COL1A2: variants seen among roughly 807,000 people sequenced by gnomAD.
The protein encoded by COL1A2 is collagen alpha-2(I) chain.
A neutral mutation model predicts 174.3 loss-of-function variants in COL1A2; 49 were observed. The ratio of observed to expected loss-of-function variants is 0.28; its 90% CI spans 0.22 to 0.36. The LOEUF is 0.36. Ranked by LOEUF, COL1A2 falls within the 10% of genes least tolerant of loss-of-function variation. COL1A2 has a pLI of 1.00. For missense variants in COL1A2, 1,438 were observed against 1,822.7 expected (o/e 0.79, Z 3.84); for synonymous variants, 655 against 606.6 (o/e 1.08, Z -1.17).
chr7:94,410,914 C>T lies in COL1A2; in HGVS notation c.1223C>T (p.Pro408Leu). 1.2e-6 allele frequency: 2 copies of T among 1,614,056 alleles called. No homozygotes were observed. The highest frequency in any genetic ancestry group is 8.5e-7 in the Non-Finnish European group (1 of 1,179,994). Residue 408 changes from proline (P) to leucine (L), a missense_variant, in exon 22 of 52, where the codon CCT becomes CTT. Pro to Leu is a moderately conservative substitution (Grantham distance 98, BLOSUM62 -3). This residue lies in a region of COL1A2 where 867 missense variants were observed against 1,213.7 expected (regional missense o/e 0.71). Transcript: ENST00000297268. ...LRGSPGSRGL[P>L]GADGRAGVMG... is the part of the protein sequence containing the mutation. ...GGTAGTCCTGGTTCTCGTGGTCTTC[C>T]TGGAGCTGATGGCAGAGCTGGCGTC...
chr7:94,405,927 C>T (rs1791784555), intron 11 of COL1A2, among the ~76,000 whole-genome samples: 1 of 152,172 alleles, frequency 6.6e-6, no homozygotes, highest in South Asian at 2.1e-4. Context: ...TACCAAAAAA[C>T]AGGCTCACTA....
intron 51 of COL1A2, chr7:94,429,721 G>GT (rs906448025): frequency 8.8e-6 from 3 of 339,944 alleles, no homozygotes; most frequent in African/African-American, 4.3e-5. Context: ...TCTTTAGCAT[G>GT]TTTTTTAAAT....
chr7:94,426,797 G>T, intron 46 of COL1A2: 1 of 627,648 alleles, frequency 1.6e-6, no homozygotes, highest in South Asian at 2.0e-5. Context: ...ATAATTAGAG[G>T]AATGACTAAT....
Position 94,419,464 on chromosome 7 carries a change from TTA to T in COL1A2, c.2026-32_2026-31del, listed in dbSNP as rs41317717. ...GGTTCACTTTTGATGATACGGGGTG[TTA>T]TTAATAAGACATGTTTCCTTTTTGG... On this transcript the variant is annotated intron_variant, in intron 33 of 51. Coordinates refer to ENST00000297268, the MANE Select transcript of COL1A2 (RefSeq NM_000089.4). 40,036 of 1,611,380 alleles carry T rather than the reference TTA, an allele frequency of 0.025. 3,515 individuals are homozygous for T. The East Asian group carries it at 0.36, about 14-fold the overall frequency.
chr7:94,425,079 A>G, intron 41 of COL1A2, 38 bp from the exon 42 acceptor site: 1 of 1,574,156 alleles, frequency 6.4e-7, no homozygotes, highest in Non-Finnish European at 8.7e-7. Context: ...ATTCCATCGA[A>G]TAAGGGGAAT....
chr7:94,413,117 C>A lies in COL1A2; in HGVS notation c.1538C>A (p.Ala513Asp). 1 of 1,614,154 alleles carries A rather than the reference C, an allele frequency of 6.2e-7. No homozygotes were observed. The highest frequency in any genetic ancestry group is 8.5e-7 in the Non-Finnish European group (1 of 1,180,012). The change falls in exon 26 of 52, where the codon GCT (alanine) becomes GAT (aspartate). Residue 513 changes from alanine (A) to aspartate (D), a missense_variant. Ala to Asp is a moderately radical substitution (Grantham distance 126). Transcript: ENST00000297268. ...GGCAAAAACGGTGATAAAGGTCATG[C>A]TGGTCTTGCTGGTGCTCGGGTAGGT... Reference protein sequence around the residue: ...DPGKNGDKGHAGLAGARGAPG... With the variant: ...DPGKNGDKGHDGLAGARGAPG...
chr7:94,396,242 G>C (rs1374717801), intron 1 of COL1A2, among the ~76,000 whole-genome samples: 2 of 152,018 alleles, frequency 1.3e-5, no homozygotes, highest in African/African-American at 4.8e-5. Context: ...ACCACACCCA[G>C]TACTCCAAAA....
At chr7:94,424,301 T>C (rs1259461434) in intron 40 of COL1A2, 35 bp from the exon 41 acceptor site, 3 of 1,566,562 alleles carry the variant, frequency 1.9e-6, no homozygotes, top group Middle Eastern at 1.7e-4. Flanking sequence ...ACCTAGGGTC[T>C]TACCCATAAT....
chr7:94,404,561 A>G lies in COL1A2; in HGVS notation c.285A>G (p.Leu95=), dbSNP rs918955690. 1 of 1,613,346 alleles carries G rather than the reference A, an allele frequency of 6.2e-7. No individual in the cohort carries two copies. Among genetic ancestry groups the G allele is most frequent in the Non-Finnish European group, 8.5e-7 (1 of 1,179,970 alleles). ...TATATCTGCTTTCTTTACAGGGCTT[A>G]ATGGGACCTAGAGGCCCACCTGGTG... The part of the protein sequence containing the change: ...GVGLGPGPMG[L]MGPRGPPGAA... The change falls in exon 7 of 52, where the codon TTA becomes TTG. Residue 95 remains leucine (L), a synonymous_variant. Transcript: ENST00000297268.
chr7:94,418,540 A>C lies in COL1A2; in HGVS notation c.2013A>C (p.Arg671Ser). The change falls in exon 33 of 52, where the codon AGA becomes AGC. Residue 671 changes from arginine to serine, a missense_variant. By Grantham distance (110) the Arg-to-Ser change is moderately radical. Around this residue, in one of 3 missense-constraint regions of COL1A2, gnomAD observed 867 missense variants for 1,213.7 expected, o/e 0.71. Coordinates refer to ENST00000297268, the MANE Select transcript of COL1A2 (RefSeq NM_000089.4). ...GLRGEIGNPG[R>S]DGARGAPGAV... ...GAGGTGAAATTGGTAACCCTGGCAGAGATGGTGCTCGTGTGAGTAGAATTT... is the reference window on the plus strand; with the variant it reads ...GAGGTGAAATTGGTAACCCTGGCAGCGATGGTGCTCGTGTGAGTAGAATTT... 1 of 1,613,850 alleles carries C rather than the reference A, an allele frequency of 6.2e-7. No homozygotes were observed. The highest frequency in any genetic ancestry group is 8.5e-7 in the Non-Finnish European group (1 of 1,179,876).
Position 94,425,347 on chromosome 7 carries a change from T to C in COL1A2, c.2781+123T>C, listed in dbSNP as rs1792251567. 3.2e-6 allele frequency: 3 copies of C among 942,730 alleles called. No individual in the cohort carries two copies. The South Asian group carries it at 4.3e-5, about 14-fold the overall frequency. The allele number at this position is 942,730 out of a possible 1,614,324, so 58.4% of individuals were successfully genotyped here. A position where few individuals can be genotyped will look rare whatever the true frequency, so the allele number is the denominator to read the frequency against. On this transcript the variant is annotated intron_variant, in intron 42 of 51. Coordinates refer to ENST00000297268, the MANE Select transcript of COL1A2 (RefSeq NM_000089.4). ...AACAAGATGGTCAGCTTCTCCATAG[T>C]ATCTACACCTAGTACTGAAAATATG... is the stretch of plus-strand genomic sequence containing the variant.
chr7:94,422,796 C>T, intron 39 of COL1A2, 161 bp from the exon 40 acceptor site: 1 of 917,238 alleles, frequency 1.1e-6, no homozygotes, highest in East Asian at 2.5e-5. Flanking sequence ...CTTCTTTCTG[C>T]AAGAAAGAAG....
intron 9 of COL1A2, 86 bp from the exon 10 acceptor site, chr7:94,405,113 C>T (rs903938244): frequency 7.3e-7 from 1 of 1,366,222 alleles, no homozygotes; most frequent in Admixed American, 1.8e-5. Context: ...TGATAACTTT[C>T]TCCCCTTTTG....
rs772238510 is a variant in COL1A2 at position 94,411,135 on chromosome 7, C to T, written c.1331C>T (p.Pro444Leu). The stretch of plus-strand genomic sequence containing the variant: ...GGAGATGCTGGTCGCCCTGGGGAGC[C>T]TGGTCTCATGGGACCCAGAGTAAGT... ...PNGDAGRPGEPGLMGPRGLPG... is the reference protein window; with the variant it reads ...PNGDAGRPGELGLMGPRGLPG... Residue 444 changes from proline to leucine, a missense_variant, in exon 23 of 52, where the codon CCT (proline) becomes CTT (leucine). Transcript: ENST00000297268. 5 of 1,590,728 alleles carry T rather than the reference C, an allele frequency of 3.1e-6. No individual in the cohort carries two copies. The African/African-American group carries it at 6.7e-5, about 21-fold the overall frequency.
At chr7:94,424,486 G>T (rs1240782337) in intron 41 of COL1A2, 43 bp downstream of exon 41, 2 of 1,556,538 alleles carry the variant, frequency 1.3e-6, no homozygotes, top group East Asian at 4.5e-5. Context: ...CATAAGAAAA[G>T]ATTTTAAAAG....
Position 94,416,514 on chromosome 7 carries a change from A to G in COL1A2, c.1863+11A>G, listed in dbSNP as rs781651117. 3.2e-6 allele frequency: 5 copies of G among 1,552,488 alleles called. No individual in the cohort carries two copies. Among genetic ancestry groups the G allele is most frequent in the Admixed American group, 1.9e-5 (1 of 51,868 alleles). ...CCTGATGGAAACAAGGTAAAATCTT[A>G]TGTTTTCTATATTGCTGGTTTGGCC... is the stretch of plus-strand genomic sequence containing the variant. On this transcript the variant is annotated intron_variant, in intron 31 of 51. Transcript: ENST00000297268.
intron 9 of COL1A2, 109 bp downstream of exon 9, chr7:94,405,001 C>G: frequency 7.8e-7 from 1 of 1,288,392 alleles, no homozygotes; most frequent in Non-Finnish European, 1.1e-6. Flanking sequence ...ATATGCCTGA[C>G]AGAACTCTTA....
chr7:94,403,072 G>C (rs556677588), intron 6 of COL1A2, among the ~76,000 whole-genome samples: 1 of 152,238 alleles, frequency 6.6e-6, no homozygotes, highest in South Asian at 2.1e-4. Flanking sequence ...ACATTAGTCA[G>C]TTTTAAAGCA....
chr7:94,416,547 C>A, intron 31 of COL1A2, 44 bp downstream of exon 31: 1 of 1,403,202 alleles, frequency 7.1e-7, no homozygotes, highest in Non-Finnish European at 9.9e-7. Context: ...GCCCAGTCTG[C>A]CTGGAATAAG....
Sources: gnomAD v4.1 joint callset for allele counts (sites outside exome capture counted in the v4.1 genomes callset) on GRCh38, gnomAD v4.1.1 for gene constraint, gnomAD v4.1.1 regional missense constraint, MANE v1.5 for transcripts, NCBI Gene and HGNC (gene_info 2026-07-23, HGNC 2026-07-21) for gene names.